TRAM1L1: variants seen among roughly 807,000 people sequenced by gnomAD.
TRAM1L1 encodes translocating chain-associated membrane protein 1-like 1.
For missense variants in TRAM1L1, 451 were observed against 439.9 expected (o/e 1.03, Z -0.23); for synonymous variants, 189 against 163.6 (o/e 1.16, Z -1.18).
Position 117,084,022 on chromosome 4 carries a change from A to T in TRAM1L1, c.*262T>A. 1 of 369,980 alleles carries T rather than the reference A, an allele frequency of 2.7e-6. No individual in the cohort carries two copies. Among genetic ancestry groups the T allele is most frequent in the South Asian group, 6.9e-5 (1 of 14,598 alleles). 22.9% of individuals were successfully genotyped at this position (369,980 alleles called of 1,614,324 possible). A position where few individuals can be genotyped will look rare whatever the true frequency, so the allele number is the denominator to read the frequency against. ...ATTAGGAAAATGTTGAAAGGTTAAA[A>T]ATCAAAACAAAATATAGTGGTGATC... On this transcript the variant is annotated 3_prime_UTR_variant, in exon 1 of 1. Transcript: ENST00000310754.
Position 117,085,533 on chromosome 4 carries a change from G to T in TRAM1L1, c.-140C>A. The stretch of plus-strand genomic sequence containing the variant: ...AGTCCCGGGTCGCAGCGGCCGCCCA[G>T]AAAAAAAATAAATCAAAGGCGAGGG... On this transcript the variant is annotated 5_prime_UTR_variant, in exon 1 of 1. In the 5' UTR this introduces an upstream ATG that the reference lacks. Transcript: ENST00000310754. 8.4e-7 allele frequency: 1 copy of T among 1,186,950 alleles called. No individual in the cohort carries two copies. Among genetic ancestry groups the T allele is most frequent in the Non-Finnish European group, 1.2e-6 (1 of 858,000 alleles). 73.5% of individuals were successfully genotyped at this position (1,186,950 alleles called of 1,614,324 possible).
chr4:117,084,502 T>C lies in TRAM1L1; in HGVS notation c.892A>G (p.Ile298Val). The C allele has an allele frequency of 6.2e-7, 1 of 1,614,134 alleles. No individual in the cohort carries two copies. Among genetic ancestry groups the C allele is most frequent in the Non-Finnish European group, 8.5e-7 (1 of 1,180,030 alleles). The stretch of plus-strand genomic sequence containing the variant: ...GTGCAACTGGACGACAGAACAGCAA[T>C]TTTAGCTGCCAACACATTTACATTT... Reference protein sequence around the residue: ...TGNVNVLAAKIAVLSSSCTIQ... With the variant: ...TGNVNVLAAKVAVLSSSCTIQ... Residue 298 changes from isoleucine to valine, a missense_variant, in exon 1 of 1, where the codon ATT (isoleucine) becomes GTT (valine). By Grantham distance (29) the Ile-to-Val change is conservative. Transcript: ENST00000310754.
chr4:117,085,336 G>A lies in TRAM1L1; in HGVS notation c.58C>T (p.Leu20=), dbSNP rs201845469. 2.3e-4 allele frequency: 373 copies of A among 1,614,080 alleles called. 1 individual carries two copies. In the East Asian group the frequency reaches 5.7e-3, roughly 25 times the overall value. The stretch of plus-strand genomic sequence containing the variant: ...GAGACGATGTCCGCATGATTCTGCA[G>A]GATGAATTCCTGGCTGAGAACGGGG... ...NPPVLSQEFI[L]QNHADIVSCV... is the part of the protein sequence containing the mutation. The change falls in exon 1 of 1, where the codon CTG becomes TTG. Residue 20 remains leucine (L), a synonymous_variant. Coordinates refer to ENST00000310754, the MANE Select transcript of TRAM1L1 (RefSeq NM_152402.3).
Position 117,085,188 on chromosome 4 carries a change from G to C in TRAM1L1, c.206C>G (p.Ser69Ter). ...VPAAEEQATG[S>*]KSLYYYGVKD... ...GACACCATAATAATAGAGGGACTTT[G>C]AGCCCGTGGCTTGTTCCTCTGCTGC... The change falls in exon 1 of 1, where the codon TCA (serine) becomes TGA (stop). Residue 69 changes from serine to a stop codon, truncating the protein, a stop_gained. Transcript: ENST00000310754. LOFTEE classifies it low-confidence loss of function (END_TRUNC). 3.1e-6 allele frequency: 5 copies of C among 1,614,078 alleles called. No homozygotes were observed. Among genetic ancestry groups the C allele is most frequent in the Non-Finnish European group, 4.2e-6 (5 of 1,179,994 alleles).
At position 117,084,885 on chromosome 4, in the gene TRAM1L1, A is replaced by G; in HGVS notation, c.509T>C (p.Ile170Thr). Residue 170 changes from isoleucine to threonine, a missense_variant, in exon 1 of 1, where the codon ATA becomes ACA. Coordinates refer to ENST00000310754, the MANE Select transcript of TRAM1L1 (RefSeq NM_152402.3). ...ATGAAACCAGTAAGCCAACTGGGAT[A>G]TGTAGAAAAACTTCATTTGAAATGT... ...MMTFQMKFFY[I>T]SQLAYWFHAF... 6.2e-7 allele frequency: 1 copy of G among 1,614,180 alleles called. No individual in the cohort carries two copies. Among genetic ancestry groups the G allele is most frequent in the Non-Finnish European group, 8.5e-7 (1 of 1,180,030 alleles).
In TRAM1L1 at chr4:117,084,327, T is replaced by C; in HGVS notation, c.1067A>G (p.Asn356Ser). The C allele has an allele frequency of 1.2e-6, 2 of 1,614,012 alleles. No homozygotes were observed. The highest frequency in any genetic ancestry group is 4.5e-5 in the East Asian group (2 of 44,876). Residue 356 changes from asparagine to serine, a missense_variant, in exon 1 of 1, where the codon AAT (asparagine) becomes AGT (serine). By Grantham distance (46) the Asn-to-Ser change is conservative (BLOSUM62 1). Coordinates refer to ENST00000310754, the MANE Select transcript of TRAM1L1 (RefSeq NM_152402.3). ...TENGVGVETS[N>S]RVDCPPKRKE... ...CCTCTTTGGCGGACAGTCTACTCTA[T>C]TTGAAGTTTCCACTCCCACTCCGTT...
chr4:117,084,134 C>A lies in TRAM1L1; in HGVS notation c.*150G>T. The A allele has an allele frequency of 1.4e-6, 1 of 723,066 alleles. No individual in the cohort carries two copies. The highest frequency in any genetic ancestry group is 1.8e-5 in the African/African-American group (1 of 55,760). 44.8% of individuals were successfully genotyped at this position (723,066 alleles called of 1,614,324 possible). The stretch of plus-strand genomic sequence containing the variant: ...TTCCCATTCATAATAATCCTCCTCC[C>A]CTCAAATGTCTTTAAAAAATACATG... On this transcript the variant is annotated 3_prime_UTR_variant, in exon 1 of 1. Transcript: ENST00000310754.
rs145609411 is a variant in TRAM1L1 at position 117,084,356 on chromosome 4, T to C, written c.1038A>G (p.Thr346=). 46 of 1,614,102 alleles carry C rather than the reference T, an allele frequency of 2.8e-5. No homozygotes were observed. Among genetic ancestry groups the C allele is most frequent in the Non-Finnish European group, 3.6e-5 (43 of 1,180,046 alleles). Residue 346 remains threonine (T), a synonymous_variant, in exon 1 of 1, where the codon ACA becomes ACG. Transcript: ENST00000310754. ...AAGTTTCCACTCCCACTCCGTTTTC[T>C]GTTCTTTTTTTAGAAGATCTCGACC... ...KKRSRSSKKR[T]ENGVGVETSN... is the part of the protein sequence containing the mutation.
In TRAM1L1 at chr4:117,085,266, GT is replaced by G; in HGVS notation, c.127del (p.Thr43GlnfsTer98). The G allele has an allele frequency of 1.2e-6, 2 of 1,614,128 alleles. No homozygotes were observed. Among genetic ancestry groups the G allele is most frequent in the Admixed American group, 1.7e-5 (1 of 60,020 alleles). On this transcript the variant is annotated frameshift_variant, in exon 1 of 1. Coordinates refer to ENST00000310754, the MANE Select transcript of TRAM1L1 (RefSeq NM_152402.3). LOFTEE classifies it low-confidence loss of function (END_TRUNC). ...GAGAAACACGATGGATGCTTCTGCT[GT>G]TCCCTCGAACACAAGCCCCAGCAGG... is the stretch of plus-strand genomic sequence containing the variant. ...FFLLGLVFEG[T>X]AEASIVFLTL...
At position 117,084,562 on chromosome 4, in the gene TRAM1L1, C is replaced by T; in HGVS notation, c.832G>A (p.Gly278Arg). The T allele has an allele frequency of 6.2e-7, 1 of 1,614,146 alleles. No individual in the cohort carries two copies. Among genetic ancestry groups the T allele is most frequent in the East Asian group, 2.2e-5 (1 of 44,878 alleles). Residue 278 changes from glycine to arginine, a missense_variant, in exon 1 of 1, where the codon GGA becomes AGA. Coordinates refer to ENST00000310754, the MANE Select transcript of TRAM1L1 (RefSeq NM_152402.3). ...SVLTVGFHLAGSQNRNPDALT... is the reference protein window; with the variant it reads ...SVLTVGFHLARSQNRNPDALT... Reference sequence around the variant, plus strand: ...GCATCAGGATTCCGATTCTGCGATCCAGCCAGGTGAAACCCAACAGTGAGT... The same window carrying T: ...GCATCAGGATTCCGATTCTGCGATCTAGCCAGGTGAAACCCAACAGTGAGT...
Position 117,084,947 on chromosome 4 carries a change from T to G in TRAM1L1, c.447A>C (p.Pro149=), listed in dbSNP as rs1732422091. Residue 149 remains proline (P), a synonymous_variant, in exon 1 of 1, where the codon CCA becomes CCC. Coordinates refer to ENST00000310754, the MANE Select transcript of TRAM1L1 (RefSeq NM_152402.3). ...ILISENCLSD[P]TLIWKARPHS... ...GGGGACGAGCCTTCCATATAAGAGT[T>G]GGGTCTGACAGGCAGTTTTCAGAGA... The G allele has an allele frequency of 5.6e-6, 9 of 1,614,124 alleles. No homozygotes were observed. Among genetic ancestry groups the G allele is most frequent in the Non-Finnish European group, 7.6e-6 (9 of 1,180,018 alleles).
In TRAM1L1 at chr4:117,085,410, T is replaced by A; in HGVS notation, c.-17A>T. ...GAGCCCCATGGTGGCGCTTCCCGGA[T>A]ACTCACCGGCGAGCCGCAGCTGCCT... On this transcript the variant is annotated 5_prime_UTR_variant, in exon 1 of 1. Coordinates refer to ENST00000310754, the MANE Select transcript of TRAM1L1 (RefSeq NM_152402.3). The A allele has an allele frequency of 6.3e-7, 1 of 1,591,708 alleles. No individual in the cohort carries two copies. The highest frequency in any genetic ancestry group is 8.6e-7 in the Non-Finnish European group (1 of 1,165,452).
At position 117,085,485 on chromosome 4, in the gene TRAM1L1, G is replaced by T; in HGVS notation, c.-92C>A. 1 of 1,498,668 alleles carries T rather than the reference G, an allele frequency of 6.7e-7. No homozygotes were observed. Among genetic ancestry groups the T allele is most frequent in the South Asian group, 1.3e-5 (1 of 75,884 alleles). 92.8% of individuals were successfully genotyped at this position (1,498,668 alleles called of 1,614,324 possible). A position where few individuals can be genotyped will look rare whatever the true frequency, so the allele number is the denominator to read the frequency against. Reference sequence around the variant, plus strand: ...CGCCGCCACGGTAGCAGCTCCGGGGGCTCCACTTCCCATCCCGAAGTCAGT... The same window carrying T: ...CGCCGCCACGGTAGCAGCTCCGGGGTCTCCACTTCCCATCCCGAAGTCAGT... On this transcript the variant is annotated 5_prime_UTR_variant, in exon 1 of 1. Transcript: ENST00000310754.
In TRAM1L1 at chr4:117,085,513, C is replaced by G. The variant is rs1448866798; in HGVS notation, c.-120G>C. Reference sequence around the variant, plus strand: ...CCACTTCCCATCCCGAAGTCAGTCCCGGGTCGCAGCGGCCGCCCAGAAAAA... The same window carrying G: ...CCACTTCCCATCCCGAAGTCAGTCCGGGGTCGCAGCGGCCGCCCAGAAAAA... On this transcript the variant is annotated 5_prime_UTR_variant, in exon 1 of 1. Transcript: ENST00000310754. The G allele has an allele frequency of 7.4e-7, 1 of 1,351,322 alleles. No homozygotes were observed. Among genetic ancestry groups the G allele is most frequent in the Non-Finnish European group, 1.0e-6 (1 of 998,072 alleles). 83.7% of individuals were successfully genotyped at this position (1,351,322 alleles called of 1,614,324 possible). A position where few individuals can be genotyped will look rare whatever the true frequency, so the allele number is the denominator to read the frequency against.
chr4:117,085,342 A>G lies in TRAM1L1; in HGVS notation c.52T>C (p.Phe18Leu). 6.2e-7 allele frequency: 1 copy of G among 1,614,004 alleles called. No individual in the cohort carries two copies. Among genetic ancestry groups the G allele is most frequent in the Non-Finnish European group, 8.5e-7 (1 of 1,179,996 alleles). Residue 18 changes from phenylalanine (F) to leucine (L), a missense_variant, in exon 1 of 1, where the codon TTC becomes CTC. Coordinates refer to ENST00000310754, the MANE Select transcript of TRAM1L1 (RefSeq NM_152402.3). ...TKNPPVLSQE[F>L]ILQNHADIVS... ...ATGTCCGCATGATTCTGCAGGATGA[A>G]TTCCTGGCTGAGAACGGGGGGGTTC...
Position 117,084,788 on chromosome 4 carries a change from A to G in TRAM1L1, c.606T>C (p.Leu202=), listed in dbSNP as rs1433915987. 1 of 1,614,232 alleles carries G rather than the reference A, an allele frequency of 6.2e-7. No individual in the cohort carries two copies. The highest frequency in any genetic ancestry group is 1.1e-5 in the South Asian group (1 of 91,086). Residue 202 remains leucine, a synonymous_variant, in exon 1 of 1, where the codon CTT becomes CTC. Transcript: ENST00000310754. ...AAGCTCCAGTAATGTGGAAGAGGTG[A>G]AGACCAATGTAGACAAGTTGACGAG... ...DIPRQLVYIG[L]HLFHITGAYL...
Position 117,084,236 on chromosome 4 carries a change from T to G in TRAM1L1, c.*48A>C, listed in dbSNP as rs970728015. The G allele has an allele frequency of 6.6e-7, 1 of 1,522,174 alleles. No individual in the cohort carries two copies. 94.3% of individuals were successfully genotyped at this position (1,522,174 alleles called of 1,614,324 possible). A position where few individuals can be genotyped will look rare whatever the true frequency, so the allele number is the denominator to read the frequency against. ...AAAATCTCTAGTGCAGAAAGAAACCTCAAAGAGCAGATTCCTTTGCAGACA... is the reference window on the plus strand; with the variant it reads ...AAAATCTCTAGTGCAGAAAGAAACCGCAAAGAGCAGATTCCTTTGCAGACA... On this transcript the variant is annotated 3_prime_UTR_variant, in exon 1 of 1. Transcript: ENST00000310754.
At position 117,084,580 on chromosome 4, in the gene TRAM1L1, CA is replaced by C; in HGVS notation, c.813del (p.Val272LeufsTer20). On this transcript the variant is annotated frameshift_variant, in exon 1 of 1. Transcript: ENST00000310754. LOFTEE classifies it low-confidence loss of function (END_TRUNC). Reference protein sequence around the residue: ...RLVTLIVSVLTVGFHLAGSQN... With the variant: ...RLVTLIVSVLXVGFHLAGSQN... ...TGCGATCCAGCCAGGTGAAACCCAA[CA>C]GTGAGTACGGAAACAATTAAAGTCA... 6.2e-7 allele frequency: 1 copy of C among 1,614,214 alleles called. No homozygotes were observed. The highest frequency in any genetic ancestry group is 8.5e-7 in the Non-Finnish European group (1 of 1,180,044).
Position 117,084,048 on chromosome 4 carries a change from C to T in TRAM1L1, c.*236G>A. 2 of 427,768 alleles carry T rather than the reference C, an allele frequency of 4.7e-6. No individual in the cohort carries two copies. The highest frequency in any genetic ancestry group is 4.1e-6 in the Non-Finnish European group (1 of 243,940). 26.5% of individuals were successfully genotyped at this position (427,768 alleles called of 1,614,324 possible). ...ATCAAAACAAAATATAGTGGTGATC[C>T]CCAAAACTATTTTGACATTATTTTG... On this transcript the variant is annotated 3_prime_UTR_variant, in exon 1 of 1. Transcript: ENST00000310754.
Sources: gnomAD v4.1 joint callset for allele counts on GRCh38, gnomAD v4.1.1 for gene constraint, MANE v1.5 for transcripts, NCBI Gene and HGNC (gene_info 2026-07-23, HGNC 2026-07-21) for gene names.